ANO10: variants seen among roughly 807,000 people sequenced by gnomAD.
The protein encoded by ANO10 is anoctamin-10.
In ANO10, 77 loss-of-function variants were observed where a neutral mutation model predicts 74.7. The observed-to-expected ratio is 1.03, with a 90% CI of 0.86 to 1.25. ANO10 has a LOEUF of 1.25. ANO10 is among the 50% of genes most tolerant of loss of function. The probability of loss-of-function intolerance (pLI) is 0.00; values close to 1 mark genes in which losing one functional copy is unlikely to be tolerated. For synonymous variants in ANO10, 279 were observed against 284.9 expected, an observed-to-expected ratio of 0.98 and a Z score of 0.21; for missense variants, 721 against 778.1, an observed-to-expected ratio of 0.93 and a Z score of 0.87.
chr3:43,496,940 T>C (rs942055285), intron 11 of ANO10, among the ~76,000 whole-genome samples: 4 of 152,180 alleles, frequency 2.6e-5, no homozygotes, highest in Non-Finnish European at 4.4e-5. Flanking sequence ...ATTTAGGCCA[T>C]GTCCTCCCCC....
chr3:43,591,224 C>T (rs1214433231), intron 4 of ANO10, among the ~76,000 whole-genome samples: 1 of 152,150 alleles, frequency 6.6e-6, no homozygotes, highest in Admixed American at 6.5e-5. Flanking sequence ...TGCAGACCCA[C>T]CATTGACTTC....
chr3:43,600,291 T>G, intron 3 of ANO10, 93 bp downstream of exon 3: 1 of 1,406,452 alleles, frequency 7.1e-7, no homozygotes, highest in African/African-American at 1.4e-5. Flanking sequence ...ATTTGACCCT[T>G]TACTGAAAAA....
chr3:43,433,412 C>T (rs2093020874), intron 11 of ANO10, among the ~76,000 whole-genome samples: 1 of 152,162 alleles, frequency 6.6e-6, no homozygotes, highest in South Asian at 2.1e-4. Flanking sequence ...TGCCCAATGT[C>T]CCTGTGCTGC....
chr3:43,597,340 T>C (rs982698423), intron 4 of ANO10, among the ~76,000 whole-genome samples: 2 of 152,298 alleles, frequency 1.3e-5, no homozygotes, highest in South Asian at 2.1e-4. Context: ...CTATTCACAA[T>C]AGCAAAGACT....
At chr3:43,573,510 T>A (rs941735896) in intron 7 of ANO10, among the ~76,000 whole-genome samples, 6 of 152,198 alleles carry the variant, frequency 3.9e-5, no homozygotes, top group Non-Finnish European at 8.8e-5. Context: ...AGGGCCTGCA[T>A]CCTTCTCTTG....
intron 1 of ANO10, among the ~76,000 whole-genome samples, chr3:43,612,142 A>C (rs1417917863): frequency 1.6e-4 from 2 of 12,586 alleles, no homozygotes; most frequent in Non-Finnish European, 2.6e-4. Flanking sequence ...TAAATATTTT[A>C]TATATATATA....
intron 12 of ANO10, 56 bp downstream of exon 12, chr3:43,432,555 A>G: frequency 3.6e-6 from 5 of 1,383,744 alleles, no homozygotes; most frequent in Non-Finnish European, 5.1e-6. Context: ...CTTCTGAATT[A>G]TTTTTCCTGT....
intron 1 of ANO10, among the ~76,000 whole-genome samples, chr3:43,656,798 C>G (rs190096484): frequency 2.4e-4 from 37 of 152,342 alleles, no homozygotes; most frequent in African/African-American, 7.5e-4. Context: ...GGTTCCTGCT[C>G]GCGCCTCTCC....
chr3:43,467,404 A>AT (rs1186968540), intron 11 of ANO10, among the ~76,000 whole-genome samples: 1 of 152,272 alleles, frequency 6.6e-6, no homozygotes, highest in Non-Finnish European at 1.5e-5. Flanking sequence ...AATGGAATAA[A>AT]TATTTAGCAA....
At chr3:43,562,968 T>C (rs917761067) in intron 8 of ANO10, among the ~76,000 whole-genome samples, 1 of 152,062 alleles carries the variant, frequency 6.6e-6, no homozygotes, top group African/African-American at 2.4e-5. Context: ...AATAGACAAC[T>C]GTGACTATAT....
chr3:43,396,645 A>T (rs577287114), intron 12 of ANO10, among the ~76,000 whole-genome samples: 31 of 151,732 alleles, frequency 2.0e-4, no homozygotes, highest in Admixed American at 9.2e-4. Context: ...CCCATGTTTG[A>T]TAAGTTTTAT....
At chr3:43,680,535 C>T (rs937460044) in intron 1 of ANO10, among the ~76,000 whole-genome samples, 1 of 152,190 alleles carries the variant, frequency 6.6e-6, no homozygotes, top group Non-Finnish European at 1.5e-5. Flanking sequence ...AGAACTTCCC[C>T]AGTCTAGCAA....
intron 12 of ANO10, among the ~76,000 whole-genome samples, chr3:43,392,861 A>G (rs1588027): frequency 0.92 from 140,128 of 152,264 alleles, 64,732 homozygotes; most frequent in Non-Finnish European, 0.96. Context: ...TCCTGGCCCT[A>G]TTCATCCACT....
chr3:43,584,395 G>A (rs2081384852), intron 4 of ANO10, among the ~76,000 whole-genome samples: 1 of 152,186 alleles, frequency 6.6e-6, no homozygotes, highest in Non-Finnish European at 1.5e-5. Context: ...ACAGTGGGAA[G>A]CCAGGACACG....
rs2081219358 is a variant in ANO10, at chr3:43,580,502, G to A, written c.473-30C>T. 1.1e-5 allele frequency: 17 copies of A among 1,611,218 alleles called. No homozygotes were observed. The East Asian group carries it at 3.8e-4, about 36-fold the overall frequency. On this transcript the variant is annotated intron_variant, in intron 4 of 12. Transcript: ENST00000292246. ...ACAGGGAAAATGTGCCAAACTGCAT[G>A]AAATGGACTGGAGATTGTGCATGAT...
At chr3:43,553,692 C>T (rs879414142) in intron 10 of ANO10, among the ~76,000 whole-genome samples, 6 of 152,104 alleles carry the variant, frequency 3.9e-5, no homozygotes, top group East Asian at 3.9e-4. Flanking sequence ...CCCACCACCA[C>T]GCCCAGCTAA....
At chr3:43,407,504 C>T (rs565794226) in intron 12 of ANO10, among the ~76,000 whole-genome samples, 3 of 152,306 alleles carry the variant, frequency 2.0e-5, no homozygotes, top group African/African-American at 7.2e-5. Flanking sequence ...CCTGGGATAA[C>T]AGGGCTGCCT....
chr3:43,681,746 A>C (rs2084204423), intron 1 of ANO10, among the ~76,000 whole-genome samples: 1 of 152,254 alleles, frequency 6.6e-6, no homozygotes, highest in Non-Finnish European at 1.5e-5. Context: ...ACCACAGTGC[A>C]ATCAAACTAG....
chr3:43,467,842 TCAGA>T (rs1239240575), intron 11 of ANO10, among the ~76,000 whole-genome samples: 1 of 152,214 alleles, frequency 6.6e-6, no homozygotes, highest in Non-Finnish European at 1.5e-5. Context: ...AAATACAATG[TCAGA>T]CAGAGAGATT....
Sources: gnomAD v4.1 joint callset for allele counts (sites outside exome capture counted in the v4.1 genomes callset) on GRCh38, gnomAD v4.1.1 for gene constraint, MANE v1.5 for transcripts, NCBI Gene and HGNC (gene_info 2026-07-23, HGNC 2026-07-21) for gene names.